Variants in NAA11 observed in about 807,000 individuals in gnomAD.
NAA11 encodes the protein N-alpha-acetyltransferase 11, NatA catalytic subunit.
NAA11 carries 15 observed loss-of-function variants against 16.1 expected under a neutral mutation model. The ratio of observed to expected loss-of-function variants is 0.93; its 90% CI spans 0.62 to 1.44. The LOEUF (loss-of-function observed/expected upper bound fraction) is 1.44. Among genes scored for constraint, NAA11 ranks in the 40% most tolerant of loss-of-function variants. The probability of loss-of-function intolerance (pLI) is 0.00; values close to 1 mark genes in which losing one functional copy is unlikely to be tolerated. For missense variants in NAA11, 298 were observed against 291.3 expected (o/e 1.02, Z -0.17); for synonymous variants, 122 against 112.4 (o/e 1.09, Z -0.54).
chr4:79,212,479 T>G, the NAA11 span, among the ~76,000 whole-genome samples: 2 of 151,882 alleles, frequency 1.3e-5, no homozygotes, highest in Non-Finnish European at 2.9e-5. Context: ...GTCATGTACA[T>G]GGCCTTTGCA....
the NAA11 span, among the ~76,000 whole-genome samples, chr4:79,189,731 T>C: frequency 1.3e-5 from 2 of 152,212 alleles, no homozygotes; most frequent in African/African-American, 4.8e-5. Context: ...TCTGAATACT[T>C]GTACCTGACT....
chr4:79,240,830 C>G (rs186908952), intron 2 of NAA11, among the ~76,000 whole-genome samples: 1 of 151,996 alleles, frequency 6.6e-6, no homozygotes, highest in Non-Finnish European at 1.5e-5. Context: ...TGTGGTGTCT[C>G]CTAATATATT....
intron 2 of NAA11, among the ~76,000 whole-genome samples, chr4:79,226,526 C>T (rs1721318020): frequency 6.6e-6 from 1 of 151,626 alleles, no homozygotes; most frequent in African/African-American, 2.4e-5. Flanking sequence ...TGTGCTGCAC[C>T]CATTAACTTG....
chr4:79,206,504 G>A, the NAA11 span, among the ~76,000 whole-genome samples: 4 of 152,140 alleles, frequency 2.6e-5, no homozygotes, highest in South Asian at 2.1e-4. Flanking sequence ...TGTTCTTAGC[G>A]CCCACAATTT....
chr4:79,296,478 T>C (rs1026787129), intron 1 of NAA11, among the ~76,000 whole-genome samples: 5 of 152,244 alleles, frequency 3.3e-5, no homozygotes, highest in Non-Finnish European at 4.4e-5. Context: ...TATTAAGCTT[T>C]AGAATGTACC....
At chr4:79,158,867 C>A in the NAA11 span, among the ~76,000 whole-genome samples, 1 of 151,858 alleles carries the variant, frequency 6.6e-6, no homozygotes, top group Admixed American at 6.6e-5. Flanking sequence ...GTGGAGAAAG[C>A]ACACCCTATT....
the NAA11 span, among the ~76,000 whole-genome samples, chr4:79,183,066 C>T: frequency 1.3e-5 from 2 of 152,004 alleles, no homozygotes; most frequent in Non-Finnish European, 2.9e-5. Flanking sequence ...GTAACATTTT[C>T]CCCCTCTGAA....
At chr4:79,302,187 T>C (rs1028106188) in intron 1 of NAA11, among the ~76,000 whole-genome samples, 1 of 152,204 alleles carries the variant, frequency 6.6e-6, no homozygotes, top group South Asian at 2.1e-4. Flanking sequence ...AGAATAGAAA[T>C]TGAAATTATA....
intron 2 of NAA11, among the ~76,000 whole-genome samples, chr4:79,271,955 T>G (rs989605918): frequency 6.6e-6 from 1 of 151,926 alleles, no homozygotes; most frequent in Non-Finnish European, 1.5e-5. Flanking sequence ...AACTTGTTAA[T>G]GTATATTATA....
At chr4:79,165,697 G>A in the NAA11 span, among the ~76,000 whole-genome samples, 1 of 152,156 alleles carries the variant, frequency 6.6e-6, no homozygotes, top group African/African-American at 2.4e-5. Context: ...CATTTTCACA[G>A]CTCGCTTCAA....
chr4:79,265,412 T>G lies in NAA11; in HGVS notation c.*122+28593A>C, dbSNP rs192781013. On this transcript the variant is annotated intron_variant and NMD_transcript_variant, in intron 2 of 2. Coordinates refer to the NAA11 transcript ENST00000511542. The stretch of plus-strand genomic sequence containing the variant: ...TCCTCTGTTCAAAACTCTCTGCTGA[T>G]ACTCCTCTCACTGAGAATAAAACTT... Among the ~76,000 whole-genome samples the G allele has an allele frequency of 2.7e-3, 412 of 152,318 alleles. 2 individuals are homozygous for G. Among genetic ancestry groups the G allele is most frequent in the South Asian group, 0.017 (81 of 4,826 alleles).
chr4:79,282,510 A>G (rs1722817169), intron 2 of NAA11, among the ~76,000 whole-genome samples: 1 of 152,114 alleles, frequency 6.6e-6, no homozygotes, highest in South Asian at 2.1e-4. Flanking sequence ...TGGGTTAGAC[A>G]GCAAAGAGAG....
At chr4:79,302,221 C>CTT (rs1274900515) in intron 1 of NAA11, among the ~76,000 whole-genome samples, 10 of 152,252 alleles carry the variant, frequency 6.6e-5, no homozygotes, top group African/African-American at 2.4e-4. Flanking sequence ...CTTTGAATAA[C>CTT]TTTGTGAATT....
At chr4:79,281,550 G>A (rs1009402665) in intron 2 of NAA11, among the ~76,000 whole-genome samples, 9 of 151,948 alleles carry the variant, frequency 5.9e-5, no homozygotes, top group Admixed American at 1.3e-4. Context: ...CTTTGTTGTC[G>A]AGTCCATATT....
intron 2 of NAA11, among the ~76,000 whole-genome samples, chr4:79,276,215 G>C (rs939975580): frequency 3.9e-5 from 6 of 152,036 alleles, no homozygotes; most frequent in Non-Finnish European, 8.8e-5. Flanking sequence ...TTTTGATCTT[G>C]TTCTTGCATT....
the NAA11 span, among the ~76,000 whole-genome samples, chr4:79,174,142 G>C: frequency 1.3e-5 from 2 of 152,140 alleles, no homozygotes; most frequent in African/African-American, 4.8e-5. Context: ...TAAATTTGTG[G>C]GAACCTCTGA....
chr4:79,228,871 C>T (rs1560690522), intron 2 of NAA11, among the ~76,000 whole-genome samples: 1 of 151,974 alleles, frequency 6.6e-6, no homozygotes, highest in Non-Finnish European at 1.5e-5. Flanking sequence ...TTTGTTCAAA[C>T]ATGTGAAAAA....
the NAA11 span, among the ~76,000 whole-genome samples, chr4:79,187,430 A>G: frequency 6.6e-6 from 1 of 152,226 alleles, no homozygotes; most frequent in Admixed American, 6.5e-5. Flanking sequence ...CAAGACAAAT[A>G]AAAAATCAAA....
At chr4:79,285,527 C>A (rs913638183) in intron 2 of NAA11, among the ~76,000 whole-genome samples, 253 of 151,956 alleles carry the variant, frequency 1.7e-3, no homozygotes, top group Non-Finnish European at 5.3e-4. Context: ...ATTACAATAC[C>A]TTGTAATTAT....
Sources: gnomAD v4.1 joint callset for allele counts (sites outside exome capture counted in the v4.1 genomes callset) on GRCh38, gnomAD v4.1.1 for gene constraint, MANE v1.5 for transcripts, NCBI Gene and HGNC (gene_info 2026-07-23, HGNC 2026-07-21) for gene names.